Variants in GLCE observed in about 807,000 individuals in gnomAD.
GLCE encodes D-glucuronyl C5-epimerase.
A neutral mutation model predicts 47.9 loss-of-function variants in GLCE; 19 were observed. That is an observed-to-expected ratio of 0.40 (90% confidence interval 0.28 to 0.58). GLCE has a LOEUF of 0.58. Ranked by LOEUF, GLCE falls within the 20% of genes least tolerant of loss-of-function variation. GLCE has a pLI of 0.48. For missense variants in GLCE, 556 were observed against 743.3 expected (o/e 0.75, Z 2.93); for synonymous variants, 245 against 263.4 (o/e 0.93, Z 0.68).
intron 1 of GLCE, among the ~76,000 whole-genome samples, chr15:69,207,412 C>G (rs748173705): frequency 6.6e-6 from 1 of 152,074 alleles, no homozygotes; most frequent in Non-Finnish European, 1.5e-5. Flanking sequence ...TGTAGTCAGC[C>G]ACTACTCCAT....
At chr15:69,256,514 T>G (rs2052927740) in intron 3 of GLCE, 122 bp downstream of exon 3, 1 of 732,130 alleles carries the variant, frequency 1.4e-6, no homozygotes, top group African/African-American at 1.8e-5. Context: ...TCACTCTAAT[T>G]TAGCAGGGAG....
chr15:69,231,092 A>T (rs995114386), intron 2 of GLCE, among the ~76,000 whole-genome samples: 2 of 152,216 alleles, frequency 1.3e-5, no homozygotes, highest in Non-Finnish European at 2.9e-5. Context: ...AAAAGAAAAC[A>T]AATTTTCAAT....
Position 69,268,424 on chromosome 15 carries a change from C to T in GLCE, c.1034C>T (p.Thr345Ile). ...RDIYYGIGPRTSWSTVTRDLV... is the reference protein window; with the variant it reads ...RDIYYGIGPRISWSTVTRDLV... ...ATATACTATGGCATTGGGCCCAGAACTTCATGGAGCACAGTTACCAGGGAC... is the reference window on the plus strand; with the variant it reads ...ATATACTATGGCATTGGGCCCAGAATTTCATGGAGCACAGTTACCAGGGAC... Residue 345 changes from threonine (T) to isoleucine (I), a missense_variant, in exon 5 of 5, where the codon ACT (threonine) becomes ATT (isoleucine). Transcript: ENST00000261858. The T allele has an allele frequency of 1.2e-6, 2 of 1,614,004 alleles. No homozygotes were observed. The highest frequency in any genetic ancestry group is 8.5e-7 in the Non-Finnish European group (1 of 1,179,886).
chr15:69,188,642 G>A (rs1479953255), intron 1 of GLCE, among the ~76,000 whole-genome samples: 1 of 152,042 alleles, frequency 6.6e-6, no homozygotes, highest in African/African-American at 2.4e-5. Context: ...TTTATAATTT[G>A]TCTTTCATGG....
chr15:69,213,059 T>G (rs1264672711), intron 2 of GLCE, among the ~76,000 whole-genome samples: 1 of 152,112 alleles, frequency 6.6e-6, no homozygotes, highest in Non-Finnish European at 1.5e-5. Flanking sequence ...CGTCTCTTTT[T>G]CTCTTGTTTA....
At chr15:69,187,747 C>T (rs2051845249) in intron 1 of GLCE, among the ~76,000 whole-genome samples, 1 of 152,010 alleles carries the variant, frequency 6.6e-6, no homozygotes, top group Non-Finnish European at 1.5e-5. Context: ...AATGTTAAAC[C>T]AACCTTGCTT....
chr15:69,251,737 A>G (rs917212042), intron 2 of GLCE, among the ~76,000 whole-genome samples: 4 of 152,062 alleles, frequency 2.6e-5, no homozygotes, highest in African/African-American at 7.2e-5. Context: ...AGATTCGTGG[A>G]TTTTTATTGC....
chr15:69,216,741 A>T (rs1457308518), intron 2 of GLCE, among the ~76,000 whole-genome samples: 1 of 152,084 alleles, frequency 6.6e-6, no homozygotes, highest in Non-Finnish European at 1.5e-5. Context: ...ATATGCTTAG[A>T]TTTGAAAAAT....
chr15:69,206,769 T>C (rs762309833), intron 1 of GLCE, among the ~76,000 whole-genome samples: 3 of 151,998 alleles, frequency 2.0e-5, no homozygotes, highest in Non-Finnish European at 4.4e-5. Flanking sequence ...GTTTCTTGTG[T>C]TGGAGAATTG....
chr15:69,204,277 CTTTTTTTT>C (rs57376738), intron 1 of GLCE, among the ~76,000 whole-genome samples: 56 of 88,354 alleles, frequency 6.3e-4, no homozygotes, highest in Middle Eastern at 0.01. Flanking sequence ...GATTGTTTTA[CTTTTTTTT>C]TTTTTTTTTT....
At chr15:69,170,755 A>G (rs2051577272) in intron 1 of GLCE, among the ~76,000 whole-genome samples, 1 of 152,234 alleles carries the variant, frequency 6.6e-6, no homozygotes, top group East Asian at 1.9e-4. Flanking sequence ...AGGGTCTGGC[A>G]GTATTTGGCG....
At chr15:69,237,306 A>G (rs911754115) in intron 2 of GLCE, among the ~76,000 whole-genome samples, 1 of 152,114 alleles carries the variant, frequency 6.6e-6, no homozygotes, top group Non-Finnish European at 1.5e-5. Context: ...TTTAAAAACC[A>G]ATTTGGGGCT....
At chr15:69,241,031 G>A (rs1322899587) in intron 2 of GLCE, among the ~76,000 whole-genome samples, 5 of 152,168 alleles carry the variant, frequency 3.3e-5, no homozygotes, top group African/African-American at 9.7e-5. Context: ...CTATTCTGGC[G>A]AAACTTTGTA....
intron 1 of GLCE, among the ~76,000 whole-genome samples, chr15:69,185,445 A>C (rs915197065): frequency 1.3e-5 from 2 of 152,090 alleles, no homozygotes; most frequent in Non-Finnish European, 2.9e-5. Context: ...CGTTGTGGTA[A>C]AGTAGAAAGT....
At chr15:69,252,197 A>G (rs1595783699) in intron 2 of GLCE, among the ~76,000 whole-genome samples, 1 of 152,272 alleles carries the variant, frequency 6.6e-6, no homozygotes, top group Non-Finnish European at 1.5e-5. Context: ...ACATATTGGT[A>G]GCTGTGTTAG....
At chr15:69,210,642 A>T (rs1230739177) in intron 2 of GLCE, among the ~76,000 whole-genome samples, 1 of 152,124 alleles carries the variant, frequency 6.6e-6, no homozygotes, top group Non-Finnish European at 1.5e-5. Flanking sequence ...TTACCACTTA[A>T]ATAGCTAATG....
At chr15:69,254,939 T>A (rs1438003574) in intron 2 of GLCE, among the ~76,000 whole-genome samples, 3 of 152,008 alleles carry the variant, frequency 2.0e-5, no homozygotes, top group South Asian at 2.1e-4. Context: ...CTCTAACATT[T>A]AAGAATTAGG....
At chr15:69,257,911 A>G (rs1317082784) in intron 3 of GLCE, among the ~76,000 whole-genome samples, 1 of 151,984 alleles carries the variant, frequency 6.6e-6, no homozygotes, top group African/African-American at 2.4e-5. Context: ...TAAAAAAGTA[A>G]AAAGTACCCA....
At chr15:69,263,207 A>G (rs1017946100) in intron 4 of GLCE, among the ~76,000 whole-genome samples, 2 of 152,138 alleles carry the variant, frequency 1.3e-5, no homozygotes, top group Non-Finnish European at 1.5e-5. Flanking sequence ...TTGGAGTTAC[A>G]TGGGAGTTAT....
Sources: gnomAD v4.1 joint callset for allele counts (sites outside exome capture counted in the v4.1 genomes callset) on GRCh38, gnomAD v4.1.1 for gene constraint, MANE v1.5 for transcripts, NCBI Gene and HGNC (gene_info 2026-07-23, HGNC 2026-07-21) for gene names.